SUFU: variants seen among roughly 807,000 people sequenced by gnomAD.
The protein encoded by SUFU is suppressor of fused homolog.
A neutral mutation model predicts 58.9 loss-of-function variants in SUFU; 7 were observed. The observed-to-expected ratio is 0.12, with a 90% confidence interval of 0.07 to 0.22. The LOEUF (loss-of-function observed/expected upper bound fraction) is 0.22, where lower values mean the gene tolerates loss of function less well. Among genes scored for constraint, SUFU ranks in the 10% least tolerant of loss-of-function variants. The pLI is 1.00. For synonymous variants in SUFU, 232 were observed against 254.8 expected, an observed-to-expected ratio of 0.91 and a Z score of 0.85; for missense variants, 451 against 641.3, an observed-to-expected ratio of 0.70 and a Z score of 3.20.
intron 2 of SUFU, among the ~76,000 whole-genome samples, chr10:102,517,761 G>T (rs1589983320): frequency 1.3e-5 from 2 of 152,302 alleles, no homozygotes; most frequent in African/African-American, 4.8e-5. Flanking sequence ...CAGCCCTGAG[G>T]AATGGTATCC....
At position 102,550,082 on chromosome 10, in the gene SUFU, T is replaced by G. The variant is rs2135743501; in HGVS notation, c.430T>G (p.Leu144Val). The G allele has an allele frequency of 6.2e-7, 1 of 1,614,228 alleles. No individual in the cohort carries two copies. The highest frequency in any genetic ancestry group is 8.5e-7 in the Non-Finnish European group (1 of 1,180,044). ...PTWPAELMQGLARYVFQSENT... is the reference protein window; with the variant it reads ...PTWPAELMQGVARYVFQSENT... ...ATGGCCCGCAGAGTTAATGCAGGGCTTGGCACGATACGTGTTCCAGTCAGG... is the reference window on the plus strand; with the variant it reads ...ATGGCCCGCAGAGTTAATGCAGGGCGTGGCACGATACGTGTTCCAGTCAGG... Residue 144 changes from leucine to valine, a missense_variant, in exon 3 of 12, where the codon TTG becomes GTG. Leu to Val is a conservative substitution (Grantham distance 32). Coordinates refer to ENST00000369902, the MANE Select transcript of SUFU (RefSeq NM_016169.4).
At chr10:102,548,065 C>T (rs867296440) in intron 2 of SUFU, among the ~76,000 whole-genome samples, 8 of 152,016 alleles carry the variant, frequency 5.3e-5, no homozygotes, top group Non-Finnish European at 8.8e-5. Flanking sequence ...ACAAGAGGAT[C>T]GCTTGAGCCC....
At chr10:102,595,232 A>T (rs1240636281) in intron 6 of SUFU, among the ~76,000 whole-genome samples, 1 of 152,218 alleles carries the variant, frequency 6.6e-6, no homozygotes, top group Non-Finnish European at 1.5e-5. Context: ...GCAGATGGAC[A>T]TGTAGCCAGC....
intron 8 of SUFU, among the ~76,000 whole-genome samples, chr10:102,611,006 G>C (rs1269866966): frequency 6.6e-6 from 1 of 152,208 alleles, no homozygotes; most frequent in Non-Finnish European, 1.5e-5. Flanking sequence ...TCCTGGACAA[G>C]AGAGATCATA....
intron 3 of SUFU, among the ~76,000 whole-genome samples, chr10:102,563,172 C>A (rs2063055691): frequency 6.6e-6 from 1 of 152,072 alleles, no homozygotes; most frequent in South Asian, 2.1e-4. Context: ...GGAAAAGGAG[C>A]TTTTTCATCA....
chr10:102,551,788 G>A (rs575389832), intron 3 of SUFU, among the ~76,000 whole-genome samples: 6 of 134,650 alleles, frequency 4.5e-5, no homozygotes, highest in East Asian at 2.5e-4. Context: ...GCAGTGGTGC[G>A]ATCTCGGCTC....
rs1397488937 is a variant in SUFU, at chr10:102,629,903, GC to G, written c.1366-160del. Among the ~76,000 whole-genome samples the G allele has an allele frequency of 6.6e-6, 1 of 152,174 alleles. No individual in the cohort carries two copies. Among genetic ancestry groups the G allele is most frequent in the Non-Finnish European group, 1.5e-5 (1 of 68,024 alleles). ...GGGGTCACCAACTCCAGCCGTTTGA[GC>G]CCAGCCTGCCACCTGGGTCTAGCAT... On this transcript the variant is annotated intron_variant, in intron 11 of 11. Coordinates refer to ENST00000369902, the MANE Select transcript of SUFU (RefSeq NM_016169.4). This position sits in a 1 kb window ranked among gnomAD's most constrained non-coding sequence, Gnocchi z 4.7.
At chr10:102,539,607 T>A (rs1326512077) in intron 2 of SUFU, among the ~76,000 whole-genome samples, 2 of 152,246 alleles carry the variant, frequency 1.3e-5, no homozygotes, top group Non-Finnish European at 2.9e-5. Context: ...CTTGCCTGAA[T>A]TATTATTACA....
intron 2 of SUFU, among the ~76,000 whole-genome samples, chr10:102,517,205 T>C (rs2062481982): frequency 6.6e-6 from 1 of 151,812 alleles, no homozygotes; most frequent in African/African-American, 2.4e-5. Flanking sequence ...GGAGAATCGC[T>C]TGGACTCGGG....
In SUFU at chr10:102,619,005, C is replaced by T; in HGVS notation, c.1296+1577C>T. ...AATGTTCAAGCACGTTTTCCTGGGA[C>T]AGTCGGGACTGGGGCCTCCCCAAAC... On this transcript the variant is annotated intron_variant, in intron 10 of 11. Transcript: ENST00000369902. This position sits in a 1 kb window ranked among gnomAD's most constrained non-coding sequence, Gnocchi z 4.2. 2.0e-6 allele frequency: 3 copies of T among 1,523,256 alleles called. No individual in the cohort carries two copies. Among genetic ancestry groups the T allele is most frequent in the Non-Finnish European group, 2.7e-6 (3 of 1,108,316 alleles). 94.4% of individuals were successfully genotyped at this position (1,523,256 alleles called of 1,614,324 possible).
At chr10:102,607,549 G>C (rs957322253) in intron 8 of SUFU, among the ~76,000 whole-genome samples, 1 of 152,204 alleles carries the variant, frequency 6.6e-6, no homozygotes, top group Non-Finnish European at 1.5e-5. Flanking sequence ...ATCCTGAAAA[G>C]GTGGGAAGGT....
At chr10:102,530,184 C>T (rs1351419053) in intron 2 of SUFU, among the ~76,000 whole-genome samples, 3 of 152,236 alleles carry the variant, frequency 2.0e-5, no homozygotes, top group African/African-American at 2.4e-5. Flanking sequence ...CGTGTATTCT[C>T]GTCCACTTTG....
At chr10:102,549,905 A>G in intron 2 of SUFU, 65 bp from the exon 3 acceptor site, 15 of 1,604,482 alleles carry the variant, frequency 9.3e-6, no homozygotes, top group South Asian at 2.2e-5. Context: ...AGAACTTTAG[A>G]CTTTCAAGAG....
Position 102,548,145 on chromosome 10 carries a change from C to T in SUFU, c.318-1825C>T, listed in dbSNP as rs1215747802. On this transcript the variant is annotated intron_variant, in intron 2 of 11. Transcript: ENST00000369902. ...CTCCAGCCTGAGTAACAGAGCGAGA[C>T]CCTGTCTCAAAAAAATACATAGATG... 2.6e-5 allele frequency among the ~76,000 whole-genome samples: 4 copies of T among 152,128 alleles called. No individual in the cohort carries two copies. The East Asian group carries it at 5.8e-4, about 22-fold the overall frequency.
chr10:102,513,102 C>T (rs549878798), intron 2 of SUFU, among the ~76,000 whole-genome samples: 7 of 152,030 alleles, frequency 4.6e-5, no homozygotes, highest in Middle Eastern at 3.4e-3. Context: ...TAATAAAACA[C>T]GAATAGGTAC....
At chr10:102,572,059 A>G (rs1944717034) in intron 3 of SUFU, among the ~76,000 whole-genome samples, 1 of 152,032 alleles carries the variant, frequency 6.6e-6, no homozygotes, top group Non-Finnish European at 1.5e-5. Flanking sequence ...AGTCAAGTCC[A>G]CCCAGGAGAA....
chr10:102,553,382 C>T (rs2062940553), intron 3 of SUFU, among the ~76,000 whole-genome samples: 2 of 152,174 alleles, frequency 1.3e-5, no homozygotes, highest in South Asian at 4.2e-4. Flanking sequence ...CTGTGATATA[C>T]CAGCTTTTCA....
intron 2 of SUFU, among the ~76,000 whole-genome samples, chr10:102,518,519 G>GTCTGTCTGTCTATCTA (rs1554842626): frequency 3.4e-5 from 5 of 147,114 alleles, no homozygotes; most frequent in African/African-American, 1.3e-4. Context: ...CTGTCTGTCT[G>GTCTGTCTGTCTATCTA]TCTATCTATC....
chr10:102,579,561 AAATGCATAGGG>A (rs202015613), intron 3 of SUFU, among the ~76,000 whole-genome samples: 2 of 152,224 alleles, frequency 1.3e-5, no homozygotes, highest in East Asian at 3.8e-4. Flanking sequence ...GTTCTGGAGA[AAATGCATAGGG>A]AAGCAGTTTT....
Sources: gnomAD v4.1 joint callset for allele counts (sites outside exome capture counted in the v4.1 genomes callset) on GRCh38, gnomAD v4.1.1 for gene constraint, Gnocchi (gnomAD v3.1) non-coding constraint, MANE v1.5 for transcripts, NCBI Gene and HGNC (gene_info 2026-07-23, HGNC 2026-07-21) for gene names.